Variants in DONSON observed in about 807,000 individuals in gnomAD.
DONSON encodes the protein DNA replication fork stabilization factor DONSON.
A neutral mutation model predicts 62.1 loss-of-function variants in DONSON; 43 were observed. The ratio of observed to expected loss-of-function variants is 0.69; its 90% CI spans 0.54 to 0.89. The LOEUF is 0.89. Ranked by LOEUF, DONSON falls within the 40% of genes least tolerant of loss-of-function variation. The probability of loss-of-function intolerance (pLI) is 0.00; values close to 1 mark genes in which losing one functional copy is unlikely to be tolerated. For synonymous variants in DONSON, 266 were observed against 264.6 expected (o/e 1.01, Z -0.05); for missense variants, 696 against 697.5 (o/e 1.00, Z 0.03).
intron 3 of DONSON, among the ~76,000 whole-genome samples, chr21:33,585,082 C>T (rs1015867199): frequency 6.6e-6 from 1 of 152,096 alleles, no homozygotes; most frequent in Non-Finnish European, 1.5e-5. Context: ...CTACATCCAA[C>T]CCTCTCTCCA....
rs2086450088 is a variant in DONSON at position 33,577,720 on chromosome 21, ATAC to A, written c.*584_*586del. ...ACACACACCCCTATAAGCACATTAA[ATAC>A]TACTTTGCCGTGACAGCTCAGTGTA... On this transcript the variant is annotated 3_prime_UTR_variant, in exon 10 of 10. Coordinates refer to ENST00000303071, the MANE Select transcript of DONSON (RefSeq NM_017613.4). The A allele has an allele frequency of 6.7e-6, 1 of 149,682 alleles. No homozygotes were observed. 9.3% of individuals were successfully genotyped at this position (149,682 alleles called of 1,614,324 possible).
intron 8 of DONSON, among the ~76,000 whole-genome samples, chr21:33,580,984 C>T (rs2086501963): frequency 1.3e-5 from 2 of 151,808 alleles, no homozygotes; most frequent in East Asian, 1.9e-4. Context: ...TGAGGCATGG[C>T]GCGAGAATCA....
chr21:33,579,115 G>A (rs548945357), intron 9 of DONSON, among the ~76,000 whole-genome samples: 1 of 151,686 alleles, frequency 6.6e-6, no homozygotes, highest in African/African-American at 2.4e-5. Context: ...CTCCAGCCCG[G>A]GCAACAGCAA....
intron 4 of DONSON, 46 bp downstream of exon 4, chr21:33,584,544 A>C: frequency 6.8e-7 from 1 of 1,480,390 alleles, no homozygotes; most frequent in Non-Finnish European, 9.1e-7. Flanking sequence ...TGCTGCTAAA[A>C]TAAAATTCAC....
At chr21:33,583,200 CAAAAAAAAAAAAA>C (rs552034893) in intron 5 of DONSON, among the ~76,000 whole-genome samples, 3 of 58,922 alleles carry the variant, frequency 5.1e-5, no homozygotes, top group Non-Finnish European at 8.9e-5. Context: ...GTCTCCATCT[CAAAAAAAAAAAAA>C]AAAAAAAAAA....
intron 7 of DONSON, among the ~76,000 whole-genome samples, chr21:33,581,707 T>G (rs2086512754): frequency 6.6e-6 from 1 of 152,232 alleles, no homozygotes; most frequent in Non-Finnish European, 1.5e-5. Flanking sequence ...TAAACCTAAT[T>G]TCTTCTCTAG....
At position 33,578,204 on chromosome 21, in the gene DONSON, T is replaced by A; in HGVS notation, c.*103A>T. The A allele has an allele frequency of 7.8e-7, 1 of 1,276,626 alleles. No individual in the cohort carries two copies. Among genetic ancestry groups the A allele is most frequent in the East Asian group, 2.4e-5 (1 of 42,444 alleles). 79.1% of individuals were successfully genotyped at this position (1,276,626 alleles called of 1,614,324 possible). On this transcript the variant is annotated 3_prime_UTR_variant, in exon 10 of 10. Coordinates refer to ENST00000303071, the MANE Select transcript of DONSON (RefSeq NM_017613.4). ...TTAGATGCTACTGTAGTAAAAGTTA[T>A]GTTTATAAACATTTCAGTATATTCC... is the stretch of plus-strand genomic sequence containing the variant.
intron 2 of DONSON, chr21:33,587,202 T>C: frequency 3.8e-6 from 1 of 260,670 alleles, no homozygotes; most frequent in Non-Finnish European, 6.0e-6. Flanking sequence ...GGGCTGGCTC[T>C]GAGTGATGAA....
At chr21:33,580,892 C>CA (rs999648883) in intron 8 of DONSON, among the ~76,000 whole-genome samples, 6 of 149,674 alleles carry the variant, frequency 4.0e-5, no homozygotes, top group African/African-American at 1.5e-4. Flanking sequence ...AACAAACAAA[C>CA]AAAAACAAAC....
chr21:33,579,397 T>C lies in DONSON; in HGVS notation c.1516A>G (p.Thr506Ala), dbSNP rs1343027989. ...TGCAGGCAGATGTTAAATACAGCAG[T>C]TGGCTCGTGTGGATACAGTACTGCA... ...FSAVLYPHEP[T>A]AVFNICLQMD... The change falls in exon 9 of 10, where the codon ACT becomes GCT. Residue 506 changes from threonine (T) to alanine (A), a missense_variant. By Grantham distance (58) the Thr-to-Ala change is moderately conservative. Coordinates refer to ENST00000303071, the MANE Select transcript of DONSON (RefSeq NM_017613.4). The C allele has an allele frequency of 1.2e-6, 2 of 1,612,486 alleles. No homozygotes were observed. Among genetic ancestry groups the C allele is most frequent in the East Asian group, 2.2e-5 (1 of 44,866 alleles).
Position 33,578,911 on chromosome 21 carries a change from C to G in DONSON, c.1563+439G>C, listed in dbSNP as rs2086468718. On this transcript the variant is annotated intron_variant, in intron 9 of 9. Coordinates refer to ENST00000303071, the MANE Select transcript of DONSON (RefSeq NM_017613.4). ...CAACATTTTGGGAGGCCAAGGTGGGCAGATCACCTGAAGTCAGGAGTTCAA... is the reference window on the plus strand; with the variant it reads ...CAACATTTTGGGAGGCCAAGGTGGGGAGATCACCTGAAGTCAGGAGTTCAA... 3.3e-5 allele frequency among the ~76,000 whole-genome samples: 5 copies of G among 152,110 alleles called. No individual in the cohort carries two copies. The South Asian group carries it at 1.0e-3, about 32-fold the overall frequency.
chr21:33,583,613 T>C lies in DONSON; in HGVS notation c.839A>G (p.Tyr280Cys), dbSNP rs1424530479. ...AAACTGATAGGTACAAACGTAGAAA[T>C]AGGGGCAAAGTTTTGTCTTCAGCAA... ...YNLLKTKLCP[Y>C]FYVCTYQFTV... is the part of the protein sequence containing the mutation. The change falls in exon 5 of 10, where the codon TAT (tyrosine) becomes TGT (cysteine). Residue 280 changes from tyrosine to cysteine, a missense_variant. Coordinates refer to ENST00000303071, the MANE Select transcript of DONSON (RefSeq NM_017613.4). 12 of 1,612,770 alleles carry C rather than the reference T, an allele frequency of 7.4e-6. No homozygotes were observed. Among genetic ancestry groups the C allele is most frequent in the East Asian group, 6.7e-5 (3 of 44,848 alleles).
In DONSON at chr21:33,577,674, CA is replaced by C. The variant is rs1569073115; in HGVS notation, c.*632del. 70 of 103,258 alleles carry C rather than the reference CA, an allele frequency of 6.8e-4. 2 individuals carry two copies. Among genetic ancestry groups the C allele is most frequent in the African/African-American group, 2.1e-3 (47 of 22,538 alleles). 6.4% of individuals were successfully genotyped at this position (103,258 alleles called of 1,614,324 possible). A position where few individuals can be genotyped will look rare whatever the true frequency, so the allele number is the denominator to read the frequency against. On this transcript the variant is annotated 3_prime_UTR_variant, in exon 10 of 10. Coordinates refer to ENST00000303071, the MANE Select transcript of DONSON (RefSeq NM_017613.4). ...ACACACACACACACACACACACACA[CA>C]CACACACACACACACACACACACAC...
At chr21:33,580,169 C>T (rs2086488993) in intron 8 of DONSON, among the ~76,000 whole-genome samples, 2 of 151,832 alleles carry the variant, frequency 1.3e-5, no homozygotes, top group Admixed American at 6.6e-5. Flanking sequence ...GCAGAGTTTG[C>T]AGTGAGCCAA....
chr21:33,578,205 G>A lies in DONSON; in HGVS notation c.*102C>T. On this transcript the variant is annotated 3_prime_UTR_variant, in exon 10 of 10. Coordinates refer to ENST00000303071, the MANE Select transcript of DONSON (RefSeq NM_017613.4). ...TAGATGCTACTGTAGTAAAAGTTAT[G>A]TTTATAAACATTTCAGTATATTCCT... is the stretch of plus-strand genomic sequence containing the variant. The A allele has an allele frequency of 7.7e-7, 1 of 1,295,186 alleles. No individual in the cohort carries two copies. Among genetic ancestry groups the A allele is most frequent in the African/African-American group, 1.5e-5 (1 of 67,356 alleles). The allele number at this position is 1,295,186 out of a possible 1,614,324, so 80.2% of individuals were successfully genotyped here. A position where few individuals can be genotyped will look rare whatever the true frequency, so the allele number is the denominator to read the frequency against.
chr21:33,588,283 A>T lies in DONSON; in HGVS notation c.321+38T>A, dbSNP rs2086604452. ...TCACAGCTGGCTCAACCCACGAAAGACAAGAGCCCCTTGGCGGCCAGGCTA... is the reference window on the plus strand; with the variant it reads ...TCACAGCTGGCTCAACCCACGAAAGTCAAGAGCCCCTTGGCGGCCAGGCTA... On this transcript the variant is annotated intron_variant, in intron 1 of 9. Coordinates refer to ENST00000303071, the MANE Select transcript of DONSON (RefSeq NM_017613.4). 4 of 1,233,732 alleles carry T rather than the reference A, an allele frequency of 3.2e-6. No individual in the cohort carries two copies. In the East Asian group the frequency reaches 9.3e-5, roughly 29 times the overall value. The allele number at this position is 1,233,732 out of a possible 1,614,324, so 76.4% of individuals were successfully genotyped here.
chr21:33,584,539 C>A (rs564690221), intron 4 of DONSON, 51 bp downstream of exon 4: 1 of 1,463,186 alleles, frequency 6.8e-7, no homozygotes, highest in East Asian at 2.4e-5. Flanking sequence ...GAGAATGCTG[C>A]TAAAATAAAA....
intron 8 of DONSON, among the ~76,000 whole-genome samples, chr21:33,580,880 AAAAC>A (rs906618044): frequency 9.9e-5 from 15 of 151,700 alleles, no homozygotes; most frequent in East Asian, 5.8e-4. Flanking sequence ...ACTCCCTCTT[AAAAC>A]AAACAAACAA....
At chr21:33,585,588 C>T (rs757609589) in intron 3 of DONSON, among the ~76,000 whole-genome samples, 5 of 151,964 alleles carry the variant, frequency 3.3e-5, no homozygotes, top group Non-Finnish European at 7.4e-5. Flanking sequence ...ACAAACTCCA[C>T]AAAATTCATA....
Sources: gnomAD v4.1 joint callset for allele counts (sites outside exome capture counted in the v4.1 genomes callset) on GRCh38, gnomAD v4.1.1 for gene constraint, MANE v1.5 for transcripts, NCBI Gene and HGNC (gene_info 2026-07-23, HGNC 2026-07-21) for gene names.